The following LYZL6 variants were observed in gnomAD, a reference collection of about 807,000 sequenced individuals.
LYZL6 encodes the protein lysozyme like 6.
In LYZL6, 21 loss-of-function variants were observed where a neutral mutation model predicts 15.0. The ratio of observed to expected loss-of-function variants is 1.40; its 90% CI spans 1.00 to 2.02. The LOEUF is 2.02. LYZL6 is among the 30% of genes most tolerant of loss of function. The pLI, the probability that LYZL6 is intolerant of heterozygous loss-of-function variation, is 0.00. For synonymous variants in LYZL6, 72 were observed against 67.8 expected (o/e 1.06, Z -0.31); for missense variants, 173 against 180.5 (o/e 0.96, Z 0.24).
chr17:35,937,540 T>TA (rs775293965), intron 3 of LYZL6, among the ~76,000 whole-genome samples: 10 of 152,242 alleles, frequency 6.6e-5, no homozygotes, highest in Non-Finnish European at 1.3e-4. Flanking sequence ...ACCAGCTGTA[T>TA]ACGGAGCCTT....
chr17:35,934,765 G>T lies in LYZL6; in HGVS notation c.*31C>A, dbSNP rs770851218. ...TCCCTGAGTGAGGACAGGAGTCTTG[G>T]AATGACTCCACGGTGCACCCGCACC... is the stretch of plus-strand genomic sequence containing the variant. On this transcript the variant is annotated 3_prime_UTR_variant, in exon 5 of 5. Coordinates refer to ENST00000615905, the MANE Select transcript of LYZL6 (RefSeq NM_020426.4). 5 of 1,598,114 alleles carry T rather than the reference G, an allele frequency of 3.1e-6. No homozygotes were observed. The African/African-American group carries it at 6.7e-5, about 21-fold the overall frequency.
chr17:35,940,321 T>G (rs1448629737), intron 1 of LYZL6, among the ~76,000 whole-genome samples: 1 of 152,152 alleles, frequency 6.6e-6, no homozygotes, highest in Non-Finnish European at 1.5e-5. Context: ...GAACCAGGAC[T>G]CTAGGAAATA....
At chr17:35,938,297 A>T (rs1389084491) in intron 2 of LYZL6, among the ~76,000 whole-genome samples, 1 of 152,146 alleles carries the variant, frequency 6.6e-6, no homozygotes, top group African/African-American at 2.4e-5. Flanking sequence ...ATAAGCTTGT[A>T]TGTACAAGCT....
chr17:35,934,545 G>T lies in LYZL6; in HGVS notation c.*251C>A. The T allele has an allele frequency of 2.0e-6, 1 of 494,990 alleles. No homozygotes were observed. The highest frequency in any genetic ancestry group is 3.6e-6 in the Non-Finnish European group (1 of 278,632). The allele number at this position is 494,990 out of a possible 1,614,324, so 30.7% of individuals were successfully genotyped here. A position where few individuals can be genotyped will look rare whatever the true frequency, so the allele number is the denominator to read the frequency against. On this transcript the variant is annotated 3_prime_UTR_variant, in exon 5 of 5. Transcript: ENST00000615905. ...TGCAGAGCGAGTGCTTTAATATTTCGATAAATATAAAGATTTCTTTATTGT... is the reference window on the plus strand; with the variant it reads ...TGCAGAGCGAGTGCTTTAATATTTCTATAAATATAAAGATTTCTTTATTGT...
intron 2 of LYZL6, 127 bp downstream of exon 2, chr17:35,939,091 A>G: frequency 8.8e-7 from 1 of 1,129,954 alleles, no homozygotes; most frequent in Non-Finnish European, 1.3e-6. Context: ...CGTGTTGGGA[A>G]AGGCTTTTTT....
At chr17:35,943,305 C>T (rs924872224) in intron 1 of LYZL6, among the ~76,000 whole-genome samples, 3 of 152,176 alleles carry the variant, frequency 2.0e-5, no homozygotes, top group Non-Finnish European at 4.4e-5. Flanking sequence ...GCCTGAGCTT[C>T]GGGCCATTCT....
chr17:35,937,213 C>T (rs981505343), intron 3 of LYZL6, among the ~76,000 whole-genome samples: 6 of 152,130 alleles, frequency 3.9e-5, no homozygotes, highest in African/African-American at 1.2e-4. Flanking sequence ...GGTCAGTGTG[C>T]GAAGGCAGAG....
rs201355083 is a variant in LYZL6 at position 35,940,191 on chromosome 17, TACTC to T, written c.-202-637_-202-634del. ...GGGTGCTATGTGACTTTGGGCAACA[TACTC>T]AACCTTTCTGGGCCTCATTTGTAAA... is the stretch of plus-strand genomic sequence containing the variant. On this transcript the variant is annotated intron_variant, in intron 1 of 4. Coordinates refer to ENST00000615905, the MANE Select transcript of LYZL6 (RefSeq NM_020426.4). Among the ~76,000 whole-genome samples the T allele has an allele frequency of 3.0e-4, 45 of 152,294 alleles. No individual in the cohort carries two copies. In the East Asian group the frequency reaches 8.5e-3, roughly 29 times the overall value.
intron 4 of LYZL6, among the ~76,000 whole-genome samples, chr17:35,935,734 G>C (rs1378527917): frequency 6.6e-6 from 1 of 151,944 alleles, no homozygotes; most frequent in Non-Finnish European, 1.5e-5. Context: ...GGCTGGTCTC[G>C]AACTCCTGAC....
Position 35,934,745 on chromosome 17 carries a change from G to T in LYZL6, c.*51C>A. 1 of 1,519,310 alleles carries T rather than the reference G, an allele frequency of 6.6e-7. No homozygotes were observed. The highest frequency in any genetic ancestry group is 9.1e-7 in the Non-Finnish European group (1 of 1,096,258). 94.1% of individuals were successfully genotyped at this position (1,519,310 alleles called of 1,614,324 possible). A position where few individuals can be genotyped will look rare whatever the true frequency, so the allele number is the denominator to read the frequency against. Reference sequence around the variant, plus strand: ...TAGGAAGAAGAAATGAAGAATCCCTGAGTGAGGACAGGAGTCTTGGAATGA... The same window carrying T: ...TAGGAAGAAGAAATGAAGAATCCCTTAGTGAGGACAGGAGTCTTGGAATGA... On this transcript the variant is annotated 3_prime_UTR_variant, in exon 5 of 5. Coordinates refer to ENST00000615905, the MANE Select transcript of LYZL6 (RefSeq NM_020426.4).
rs2141965786 is a variant in LYZL6 at position 35,936,930 on chromosome 17, G to A, written c.299-97C>T. 6 of 1,034,432 alleles carry A rather than the reference G, an allele frequency of 5.8e-6. 1 individual carries two copies. The Admixed American group carries it at 1.1e-4, about 19-fold the overall frequency. The allele number at this position is 1,034,432 out of a possible 1,614,324, so 64.1% of individuals were successfully genotyped here. A position where few individuals can be genotyped will look rare whatever the true frequency, so the allele number is the denominator to read the frequency against. On this transcript the variant is annotated intron_variant, in intron 3 of 4. Coordinates refer to ENST00000615905, the MANE Select transcript of LYZL6 (RefSeq NM_020426.4). ...TCCCTGGACAGCCCTATGCCACCTA[G>A]AGGCTTCCAGTTGAGGCAAAGGCTG...
intron 4 of LYZL6, among the ~76,000 whole-genome samples, chr17:35,935,950 A>G (rs2089368729): frequency 6.6e-6 from 1 of 151,340 alleles, no homozygotes; most frequent in African/African-American, 2.4e-5. Context: ...AGTAGCTGGG[A>G]CTACAGGCAG....
At chr17:35,937,514 C>G (rs908923806) in intron 3 of LYZL6, among the ~76,000 whole-genome samples, 3 of 152,218 alleles carry the variant, frequency 2.0e-5, no homozygotes, top group Non-Finnish European at 4.4e-5. Flanking sequence ...TTGGCTGCTG[C>G]AACTGTTCTA....
intron 1 of LYZL6, among the ~76,000 whole-genome samples, chr17:35,942,523 C>T (rs929014876): frequency 6.6e-6 from 1 of 152,132 alleles, no homozygotes; most frequent in African/African-American, 2.4e-5. Flanking sequence ...CAGAAAGAAA[C>T]TACTTAGGTA....
intron 3 of LYZL6, among the ~76,000 whole-genome samples, chr17:35,937,380 C>A (rs906386398): frequency 1.1e-4 from 16 of 152,350 alleles, no homozygotes; most frequent in Admixed American, 9.8e-4. Flanking sequence ...TGCTGGTTCT[C>A]TTTTTGAGCC....
At chr17:35,937,678 G>T in intron 3 of LYZL6, 80 bp downstream of exon 3, 2 of 1,474,850 alleles carry the variant, frequency 1.4e-6, no homozygotes, top group Non-Finnish European at 1.9e-6. Flanking sequence ...CCATTCCCAG[G>T]CTGTGGGTGG....
chr17:35,937,714 T>C (rs78999738), intron 3 of LYZL6, 44 bp downstream of exon 3: 40,295 of 1,587,564 alleles, frequency 0.025, 766 homozygotes, highest in East Asian at 0.12. Context: ...GAGCAGAGCC[T>C]GGTTGCTGCT....
intron 2 of LYZL6, among the ~76,000 whole-genome samples, chr17:35,938,774 G>A (rs1300405685): frequency 6.6e-6 from 1 of 152,182 alleles, no homozygotes; most frequent in Non-Finnish European, 1.5e-5. Context: ...TGCCTAGAGT[G>A]TTCTTCCCCC....
In LYZL6 at chr17:35,939,336, G is replaced by A. The variant is rs141105239; in HGVS notation, c.21C>T (p.Ile7=). Residue 7 remains isoleucine (I), a synonymous_variant, in exon 2 of 5, where the codon ATC becomes ATT. Transcript: ENST00000615905. MTKALL[I]YLVSSFLALN... ...GGGCAAGAAAGCTGCTGACCAAATA[G>A]ATGAGTAGCGCCTTTGTCATCCTTG... is the stretch of plus-strand genomic sequence containing the variant. 1.1e-4 allele frequency: 183 copies of A among 1,614,032 alleles called. No homozygotes were observed. Among genetic ancestry groups the A allele is most frequent in the Admixed American group, 1.2e-4 (7 of 59,994 alleles).
Sources: gnomAD v4.1 joint callset for allele counts (sites outside exome capture counted in the v4.1 genomes callset) on GRCh38, gnomAD v4.1.1 for gene constraint, MANE v1.5 for transcripts, NCBI Gene and HGNC (gene_info 2026-07-23, HGNC 2026-07-21) for gene names.